Variants in LHX1 observed in about 807,000 individuals in gnomAD.
The protein encoded by LHX1 is LIM homeobox 1.
LHX1 carries 9 observed loss-of-function variants against 34.1 expected under a neutral mutation model. That is an observed-to-expected ratio of 0.26 (90% CI 0.16 to 0.46). The LOEUF is 0.46. Among genes scored for constraint, LHX1 ranks in the 20% least tolerant of loss-of-function variants. LHX1 has a pLI of 1.00. For synonymous variants in LHX1, 254 were observed against 241.5 expected (o/e 1.05, Z -0.48); for missense variants, 446 against 559.1 (o/e 0.80, Z 2.04).
In LHX1 at chr17:36,937,586, C is replaced by G. The variant is rs184511261; in HGVS notation, c.-612C>G. ...CGCGTCCAGACCCGCGGCGCGATGC[C>G]GGCAGTTTAGGATCCAAAGCTTCTC... On this transcript the variant is annotated 5_prime_UTR_variant, in exon 1 of 5. Coordinates refer to ENST00000614239, the MANE Select transcript of LHX1 (RefSeq NM_005568.5). The G allele has an allele frequency of 3.8e-5, 12 of 313,772 alleles. No homozygotes were observed. Among genetic ancestry groups the G allele is most frequent in the Non-Finnish European group, 7.5e-5 (12 of 160,408 alleles). The allele number at this position is 313,772 out of a possible 1,614,324, so 19.4% of individuals were successfully genotyped here.
intron 1 of LHX1, 53 bp downstream of exon 1, chr17:36,938,420 G>A: frequency 1.3e-6 from 2 of 1,563,040 alleles, no homozygotes; most frequent in Non-Finnish European, 1.8e-6. Context: ...GGCCCTTCCC[G>A]GCCAGCTTCG....
rs1270022537 is a variant in LHX1, at chr17:36,943,302, C to A, written c.*171C>A. ...GGAAAAGGGGGACACGAAATAGGAT[C>A]CAAATCGGCCTCGAGGTGGGACTGG... is the stretch of plus-strand genomic sequence containing the variant. On this transcript the variant is annotated 3_prime_UTR_variant, in exon 5 of 5. Coordinates refer to ENST00000614239, the MANE Select transcript of LHX1 (RefSeq NM_005568.5). 6.2e-6 allele frequency: 5 copies of A among 805,500 alleles called. No individual in the cohort carries two copies. Among genetic ancestry groups the A allele is most frequent in the Non-Finnish European group, 9.3e-6 (5 of 536,938 alleles). The allele number at this position is 805,500 out of a possible 1,614,324, so 49.9% of individuals were successfully genotyped here. A position where few individuals can be genotyped will look rare whatever the true frequency, so the allele number is the denominator to read the frequency against.
chr17:36,940,254 T>TG (rs2142181499), intron 1 of LHX1, 36 bp from the exon 2 acceptor site: 117 of 560,488 alleles, frequency 2.1e-4, no homozygotes, highest in Middle Eastern at 4.8e-4. Context: ...GGCTGACCCA[T>TG]CCCCGCCCCC....
rs2070780535 is a variant in LHX1, at chr17:36,943,257, T to G, written c.*126T>G. ...CTTCCTCCAGCCTCGAGAACCATTC[T>G]CCTTCTGGGGAGACCGGATGGAAAA... On this transcript the variant is annotated 3_prime_UTR_variant, in exon 5 of 5. Coordinates refer to ENST00000614239, the MANE Select transcript of LHX1 (RefSeq NM_005568.5). The G allele has an allele frequency of 8.5e-7, 1 of 1,175,436 alleles. No homozygotes were observed. The highest frequency in any genetic ancestry group is 1.6e-5 in the African/African-American group (1 of 63,920). 72.8% of individuals were successfully genotyped at this position (1,175,436 alleles called of 1,614,324 possible).
In LHX1 at chr17:36,942,744, C is replaced by T. The variant is rs1451467641; in HGVS notation, c.842-8C>T. The T allele has an allele frequency of 6.6e-7, 1 of 1,506,016 alleles. No individual in the cohort carries two copies. 93.3% of individuals were successfully genotyped at this position (1,506,016 alleles called of 1,614,324 possible). A position where few individuals can be genotyped will look rare whatever the true frequency, so the allele number is the denominator to read the frequency against. Reference sequence around the variant, plus strand: ...CTGACGTCCTGCGCCCTCCCCGCCGCTCCGCAGATTACCAGAGCGAGTACT... The same window carrying T: ...CTGACGTCCTGCGCCCTCCCCGCCGTTCCGCAGATTACCAGAGCGAGTACT... On this transcript the variant is annotated splice_region_variant and splice_polypyrimidine_tract_variant and intron_variant, in intron 4 of 4. Coordinates refer to ENST00000614239, the MANE Select transcript of LHX1 (RefSeq NM_005568.5).
In LHX1 at chr17:36,940,441, G is replaced by C; in HGVS notation, c.322G>C (p.Asp108His). 1 of 1,614,100 alleles carries C rather than the reference G, an allele frequency of 6.2e-7. No individual in the cohort carries two copies. The highest frequency in any genetic ancestry group is 8.5e-7 in the Non-Finnish European group (1 of 1,180,046). The change falls in exon 2 of 5, where the codon GAC (aspartate) becomes CAC (histidine). Residue 108 changes from aspartate (D) to histidine (H), a missense_variant. Transcript: ENST00000614239. ...CACTGGCGAGGAACTCTACATCATCGACGAGAATAAGTTCGTCTGCAAAGA... is the reference window on the plus strand; with the variant it reads ...CACTGGCGAGGAACTCTACATCATCCACGAGAATAAGTTCGTCTGCAAAGA... ...LSTGEELYII[D>H]ENKFVCKEDY... is the part of the protein sequence containing the mutation.
In LHX1 at chr17:36,938,182, G is replaced by A; in HGVS notation, c.-16G>A. ...CCCTCTCTCTCTCTGGGCCTCATCA[G>A]ACCAAACCAAAGACCATGGTTCACT... On this transcript the variant is annotated 5_prime_UTR_variant, in exon 1 of 5. Transcript: ENST00000614239. 3.1e-6 allele frequency: 5 copies of A among 1,613,050 alleles called. No individual in the cohort carries two copies. The highest frequency in any genetic ancestry group is 4.2e-6 in the Non-Finnish European group (5 of 1,180,010).
Position 36,943,146 on chromosome 17 carries a change from G to T in LHX1, c.*15G>T, listed in dbSNP as rs371586697. ...CCGTGTGGTAGCGGGGTCTCGCACG[G>T]TCTGCGGAGTTCGTGGTTGTACAGA... is the stretch of plus-strand genomic sequence containing the variant. On this transcript the variant is annotated 3_prime_UTR_variant, in exon 5 of 5. Coordinates refer to ENST00000614239, the MANE Select transcript of LHX1 (RefSeq NM_005568.5). The T allele has an allele frequency of 1.6e-5, 25 of 1,611,698 alleles. No individual in the cohort carries two copies. The highest frequency in any genetic ancestry group is 2.1e-5 in the Non-Finnish European group (25 of 1,179,534).
At position 36,944,087 on chromosome 17, in the gene LHX1, C is replaced by G. The variant is rs2070787080; in HGVS notation, c.*956C>G. On this transcript the variant is annotated 3_prime_UTR_variant, in exon 5 of 5. Coordinates refer to ENST00000614239, the MANE Select transcript of LHX1 (RefSeq NM_005568.5). Reference sequence around the variant, plus strand: ...GCAATCAACCAAAATTGTTCCTTTTCTTTTCCTGTAGATGTTCTGACAGAT... The same window carrying G: ...GCAATCAACCAAAATTGTTCCTTTTGTTTTCCTGTAGATGTTCTGACAGAT... 6.6e-6 allele frequency: 1 copy of G among 152,096 alleles called. No homozygotes were observed. The highest frequency in any genetic ancestry group is 1.5e-5 in the Non-Finnish European group (1 of 67,994). The allele number at this position is 152,096 out of a possible 1,614,324, so 9.4% of individuals were successfully genotyped here. A position where few individuals can be genotyped will look rare whatever the true frequency, so the allele number is the denominator to read the frequency against.
chr17:36,940,573 C>G, intron 2 of LHX1, 37 bp from the exon 3 acceptor site: 1 of 1,613,646 alleles, frequency 6.2e-7, no homozygotes, highest in Non-Finnish European at 8.5e-7. Flanking sequence ...GAGGAAGGCT[C>G]GCCAAGGCCC....
Position 36,942,795 on chromosome 17 carries a change from C to T in LHX1, c.885C>T (p.Phe295=), listed in dbSNP as rs778039404. Residue 295 remains phenylalanine, a synonymous_variant, in exon 5 of 5, where the codon TTC becomes TTT. Transcript: ENST00000614239. ...EYYGPGGNYD[F]FPQGPPSSQA... ...ACGGGCCCGGGGGCAACTACGACTT[C>T]TTCCCGCAAGGCCCCCCGTCCTCGC... 3 of 1,546,914 alleles carry T rather than the reference C, an allele frequency of 1.9e-6. No individual in the cohort carries two copies. In the Admixed American group the frequency reaches 5.7e-5, roughly 29 times the overall value.
chr17:36,941,024 G>T, intron 3 of LHX1, 137 bp downstream of exon 3: 4 of 1,314,350 alleles, frequency 3.0e-6, no homozygotes, highest in Non-Finnish European at 4.2e-6. Flanking sequence ...GACACATCCC[G>T]AGCCTGCGGG....
intron 3 of LHX1, chr17:36,941,279 CAA>C (rs2070763681): frequency 2.3e-6 from 1 of 439,326 alleles, no homozygotes; most frequent in African/African-American, 2.0e-5. Flanking sequence ...GCCTTCTGCA[CAA>C]AGTGAACTCT....
rs1214760131 is a variant in LHX1, at chr17:36,937,951, G to C, written c.-247G>C. 1 of 599,670 alleles carries C rather than the reference G, an allele frequency of 1.7e-6. No individual in the cohort carries two copies. Among genetic ancestry groups the C allele is most frequent in the Non-Finnish European group, 3.0e-6 (1 of 334,942 alleles). 37.1% of individuals were successfully genotyped at this position (599,670 alleles called of 1,614,324 possible). A position where few individuals can be genotyped will look rare whatever the true frequency, so the allele number is the denominator to read the frequency against. On this transcript the variant is annotated 5_prime_UTR_variant, in exon 1 of 5. Transcript: ENST00000614239. ...TCGCCCCGGGAGCTCAGGCGGCGCC[G>C]CTCCAGCCCGGGGCCCCGGGACTCC...
chr17:36,943,222 T>C lies in LHX1; in HGVS notation c.*91T>C. The stretch of plus-strand genomic sequence containing the variant: ...GAAAAAAAAAAACATAAAAAGCAAG[T>C]CCCCACCCCCTTCCTCCAGCCTCGA... On this transcript the variant is annotated 3_prime_UTR_variant, in exon 5 of 5. Coordinates refer to ENST00000614239, the MANE Select transcript of LHX1 (RefSeq NM_005568.5). 3 of 1,378,782 alleles carry C rather than the reference T, an allele frequency of 2.2e-6. No individual in the cohort carries two copies. Among genetic ancestry groups the C allele is most frequent in the Non-Finnish European group, 2.9e-6 (3 of 1,023,736 alleles). The allele number at this position is 1,378,782 out of a possible 1,614,324, so 85.4% of individuals were successfully genotyped here.
Position 36,942,186 on chromosome 17 carries a change from G to A in LHX1, c.676-14G>A, listed in dbSNP as rs780086729. Reference sequence around the variant, plus strand: ...GGAGTCTCGGTGGCCTCACCCCGCCGCCATGTGCTGCAGGTCTGGTTCCAG... The same window carrying A: ...GGAGTCTCGGTGGCCTCACCCCGCCACCATGTGCTGCAGGTCTGGTTCCAG... On this transcript the variant is annotated splice_polypyrimidine_tract_variant and intron_variant, in intron 3 of 4. Transcript: ENST00000614239. The A allele has an allele frequency of 3.2e-6, 5 of 1,565,358 alleles. No individual in the cohort carries two copies. The African/African-American group carries it at 5.6e-5, about 17-fold the overall frequency.
chr17:36,938,394 C>T (rs1028381832), intron 1 of LHX1, 27 bp downstream of exon 1: 5 of 1,610,912 alleles, frequency 3.1e-6, no homozygotes, highest in Non-Finnish European at 4.2e-6. Flanking sequence ...CACGCCTCTG[C>T]TGCTACCTCC....
rs1244720640 is a variant in LHX1, at chr17:36,937,532, C to G, written c.-666C>G. On this transcript the variant is annotated 5_prime_UTR_variant, in exon 1 of 5. Transcript: ENST00000614239. ...CTTCTCCCGCGGTCGGCCCTCGCCC[C>G]CTCCCCCAGGCCCAGCGCGGGCGCT... The G allele has an allele frequency of 3.1e-6, 1 of 321,640 alleles. No homozygotes were observed. The highest frequency in any genetic ancestry group is 1.0e-4 in the East Asian group (1 of 10,024). The allele number at this position is 321,640 out of a possible 1,614,324, so 19.9% of individuals were successfully genotyped here.
rs1196099400 is a variant in LHX1 at position 36,937,634 on chromosome 17, C to T, written c.-564C>T. ...CTCTGCTCCTTTTGTTCTTTCCTTC[C>T]CTTTTTTAAAAAAAGAGGGGGGAAA... On this transcript the variant is annotated 5_prime_UTR_variant, in exon 1 of 5. Coordinates refer to ENST00000614239, the MANE Select transcript of LHX1 (RefSeq NM_005568.5). The T allele has an allele frequency of 5.9e-6, 2 of 339,224 alleles. No individual in the cohort carries two copies. Among genetic ancestry groups the T allele is most frequent in the Non-Finnish European group, 1.2e-5 (2 of 172,150 alleles). 21.0% of individuals were successfully genotyped at this position (339,224 alleles called of 1,614,324 possible).
Sources: allele counts gnomAD v4.1 joint callset, GRCh38; gene constraint gnomAD v4.1.1; transcripts MANE v1.5; gene names NCBI Gene and HGNC (gene_info 2026-07-23, HGNC 2026-07-21).